SPATA13: variants seen among roughly 807,000 people sequenced by gnomAD.
The protein encoded by SPATA13 is spermatogenesis associated 13, also known as spermatogenesis-associated protein 13.
SPATA13 carries 50 observed loss-of-function variants against 104.0 expected under a neutral mutation model. The ratio of observed to expected loss-of-function variants is 0.48; its 90% confidence interval spans 0.38 to 0.61. SPATA13 has a LOEUF of 0.61. SPATA13 is among the 20% of genes least tolerant of loss of function. SPATA13 has a pLI of 0.00. For missense variants in SPATA13, 1,524 were observed against 1,690.6 expected, an observed-to-expected ratio of 0.90 and a Z score of 1.73; for synonymous variants, 606 against 667.5, an observed-to-expected ratio of 0.91 and a Z score of 1.42.
At chr13:24,009,284 A>T (rs1474221084) in intron 2 of SPATA13, among the ~76,000 whole-genome samples, 1 of 152,248 alleles carries the variant, frequency 6.6e-6, no homozygotes, top group Non-Finnish European at 1.5e-5. Context: ...AGTATCTGAG[A>T]TACGTCTCCA....
intron 3 of SPATA13, among the ~76,000 whole-genome samples, chr13:24,103,287 A>G (rs1201131160): frequency 5.9e-5 from 9 of 152,142 alleles, no homozygotes; most frequent in Non-Finnish European, 1.3e-4. Context: ...TTACACACTT[A>G]TAATTTGAAA....
At chr13:24,139,491 A>G (rs979896427) in intron 3 of SPATA13, among the ~76,000 whole-genome samples, 3 of 152,222 alleles carry the variant, frequency 2.0e-5, no homozygotes, top group African/African-American at 7.2e-5. Flanking sequence ...GACTGGTACA[A>G]TTGCAGAGGA....
intron 9 of SPATA13, among the ~76,000 whole-genome samples, chr13:24,293,760 G>T (rs1163537100): frequency 6.6e-6 from 1 of 152,236 alleles, no homozygotes; most frequent in East Asian, 1.9e-4. Flanking sequence ...CCACTTCTGG[G>T]TGTGAATGGG....
At position 24,302,585 on chromosome 13, in the gene SPATA13, C is replaced by T; in HGVS notation, c.3659-13C>T. ...CTCAGTCCCTGTTCCATCTCTCTCC[C>T]CTCCCGAGTCAGGCTACAACAGGTG... On this transcript the variant is annotated splice_polypyrimidine_tract_variant and intron_variant, in intron 12 of 12. Coordinates refer to ENST00000382108, the MANE Select transcript of SPATA13 (RefSeq NM_001166271.3). 3 of 1,576,068 alleles carry T rather than the reference C, an allele frequency of 1.9e-6. No individual in the cohort carries two copies. Among genetic ancestry groups the T allele is most frequent in the Non-Finnish European group, 1.7e-6 (2 of 1,158,108 alleles).
At chr13:24,153,391 A>G in intron 3 of SPATA13, among the ~76,000 whole-genome samples, 1 of 152,176 alleles carries the variant, frequency 6.6e-6, no homozygotes, top group Non-Finnish European at 1.5e-5. Flanking sequence ...ACTCCATTTC[A>G]TTGCCTAAAA....
At chr13:24,027,188 G>A (rs1244407412) in intron 3 of SPATA13, among the ~76,000 whole-genome samples, 1 of 142,152 alleles carries the variant, frequency 7.0e-6, no homozygotes, top group Non-Finnish European at 1.5e-5. Context: ...AGGCTGGAGT[G>A]CAGTGGCACA....
chr13:24,100,908 G>A (rs987202023), intron 3 of SPATA13, among the ~76,000 whole-genome samples: 2 of 152,164 alleles, frequency 1.3e-5, no homozygotes, highest in South Asian at 2.1e-4. Flanking sequence ...GCATTCATGC[G>A]TTCTCTTGAT....
At chr13:24,207,153 TG>T (rs1226284850) in intron 1 of SPATA13, among the ~76,000 whole-genome samples, 9 of 152,092 alleles carry the variant, frequency 5.9e-5, no homozygotes, top group Non-Finnish European at 1.2e-4. Context: ...CACTTGTAAG[TG>T]GGAGCTGAAT....
At chr13:24,015,047 C>A (rs554334934) in intron 2 of SPATA13, among the ~76,000 whole-genome samples, 2 of 151,944 alleles carry the variant, frequency 1.3e-5, no homozygotes, top group African/African-American at 4.8e-5. Flanking sequence ...CCCGCCACCA[C>A]GCCTGGCTAA....
At chr13:24,093,201 G>A (rs1466080603) in intron 3 of SPATA13, among the ~76,000 whole-genome samples, 1 of 152,226 alleles carries the variant, frequency 6.6e-6, no homozygotes, top group African/African-American at 2.4e-5. Flanking sequence ...GGAATCTGCT[G>A]TGTCTCTTTG....
intron 8 of SPATA13, 39 bp downstream of exon 8, chr13:24,289,217 T>A: frequency 1.3e-6 from 2 of 1,547,390 alleles, no homozygotes; most frequent in Non-Finnish European, 1.8e-6. Context: ...AACATCTGCT[T>A]ACATAATTTT....
chr13:24,123,427 G>C, intron 3 of SPATA13: 1 of 1,395,598 alleles, frequency 7.2e-7, no homozygotes, highest in Non-Finnish European at 1.0e-6. Context: ...ACATGATTCT[G>C]CAACATGCAT....
intron 2 of SPATA13, among the ~76,000 whole-genome samples, chr13:23,990,694 C>T (rs1258013812): frequency 2.0e-5 from 3 of 152,188 alleles, no homozygotes; most frequent in African/African-American, 4.8e-5. Flanking sequence ...GTGCACCCCA[C>T]GAAGCTGTAA....
chr13:24,080,202 C>T (rs1375779713), intron 3 of SPATA13, among the ~76,000 whole-genome samples: 1 of 152,216 alleles, frequency 6.6e-6, no homozygotes, highest in Non-Finnish European at 1.5e-5. Flanking sequence ...GGATTCTTCT[C>T]CTTCACATGA....
intron 3 of SPATA13, among the ~76,000 whole-genome samples, chr13:24,019,971 T>C (rs1876903183): frequency 6.6e-6 from 1 of 152,186 alleles, no homozygotes; most frequent in Admixed American, 6.5e-5. Flanking sequence ...CATGTCAGAA[T>C]TCAGACATCT....
Position 24,284,278 on chromosome 13 carries a change from G to A in SPATA13, c.2301+7G>A. 6.2e-7 allele frequency: 1 copy of A among 1,612,862 alleles called. No individual in the cohort carries two copies. The highest frequency in any genetic ancestry group is 8.5e-7 in the Non-Finnish European group (1 of 1,179,378). On this transcript the variant is annotated splice_region_variant and intron_variant, in intron 5 of 12. Coordinates refer to ENST00000382108, the MANE Select transcript of SPATA13 (RefSeq NM_001166271.3). ...GCAGCTGGCCATCAATGAGGTACTG[G>A]AATTCCACACGACAGTAGTGGATAC...
intron 1 of SPATA13, among the ~76,000 whole-genome samples, chr13:24,219,604 G>A (rs998602333): frequency 6.6e-6 from 1 of 152,228 alleles, no homozygotes; most frequent in African/African-American, 2.4e-5. Context: ...GCACAGTCTT[G>A]TTTGAAGGCA....
chr13:24,032,866 G>A (rs1261779169), intron 3 of SPATA13, among the ~76,000 whole-genome samples: 1 of 152,146 alleles, frequency 6.6e-6, no homozygotes, highest in Non-Finnish European at 1.5e-5. Context: ...GTAGGTCTGA[G>A]ACTTAATATT....
intron 1 of SPATA13, among the ~76,000 whole-genome samples, chr13:24,173,373 T>TGC (rs1883070555): frequency 1.4e-5 from 2 of 144,546 alleles, no homozygotes; most frequent in South Asian, 4.3e-4. Flanking sequence ...TGTGTGTGTG[T>TGC]GTGTGTGTGT....
Sources: allele counts gnomAD v4.1 joint callset (sites outside exome capture counted in the v4.1 genomes callset), GRCh38; gene constraint gnomAD v4.1.1; transcripts MANE v1.5; gene names NCBI Gene and HGNC (gene_info 2026-07-23, HGNC 2026-07-21).